XPO7: variants seen among roughly 807,000 people sequenced by gnomAD.
The protein encoded by XPO7 is exportin 7.
In XPO7, 21 loss-of-function variants were observed where a neutral mutation model predicts 144.3. The observed-to-expected ratio is 0.15, with a 90% confidence interval of 0.10 to 0.21. The LOEUF (loss-of-function observed/expected upper bound fraction) is 0.21, where lower values mean the gene tolerates loss of function less well. Among genes scored for constraint, XPO7 ranks in the 10% least tolerant of loss-of-function variants. XPO7 has a pLI of 1.00. For missense variants in XPO7, 808 were observed against 1,325.8 expected (o/e 0.61, Z 6.06); for synonymous variants, 580 against 499.6 (o/e 1.16, Z -2.15).
At chr8:21,920,288 G>A (rs758210844) in intron 1 of XPO7, among the ~76,000 whole-genome samples, 2 of 151,902 alleles carry the variant, frequency 1.3e-5, no homozygotes, top group Non-Finnish European at 2.9e-5. Context: ...CCCGGAATAC[G>A]AGAGACCCCC....
chr8:21,975,152 G>A (rs571234352), intron 6 of XPO7, among the ~76,000 whole-genome samples: 3 of 152,288 alleles, frequency 2.0e-5, no homozygotes, highest in African/African-American at 7.2e-5. Flanking sequence ...TATGGTGTTT[G>A]GATTCTTAGT....
intron 1 of XPO7, among the ~76,000 whole-genome samples, chr8:21,949,921 C>T (rs949993521): frequency 3.3e-5 from 5 of 152,186 alleles, no homozygotes; most frequent in African/African-American, 9.7e-5. Context: ...GACAGGGTTT[C>T]GCCATGTTGG....
chr8:21,925,789 C>G (rs1214879101), intron 1 of XPO7, among the ~76,000 whole-genome samples: 2 of 152,104 alleles, frequency 1.3e-5, no homozygotes, highest in African/African-American at 4.8e-5. Context: ...AATATAGCAC[C>G]GTGTTCTCAA....
chr8:21,996,821 T>C (rs1812965164), intron 21 of XPO7, among the ~76,000 whole-genome samples: 1 of 152,306 alleles, frequency 6.6e-6, no homozygotes, highest in East Asian at 1.9e-4. Flanking sequence ...TAGTTAGTTA[T>C]GTTTGATCCG....
In XPO7 at chr8:21,919,794, A is replaced by G; in HGVS notation, c.18+6A>G. On this transcript the variant is annotated splice_donor_region_variant and intron_variant, in intron 1 of 27. Coordinates refer to ENST00000252512, the MANE Select transcript of XPO7 (RefSeq NM_015024.5). ...AAATGGCGGATCATGTGCAGGTGAG[A>G]GGAGCCGCGGGGGGGAGGGGGCGAC... is the stretch of plus-strand genomic sequence containing the variant. 2 of 465,920 alleles carry G rather than the reference A, an allele frequency of 4.3e-6. No individual in the cohort carries two copies. Among genetic ancestry groups the G allele is most frequent in the Admixed American group, 5.1e-5 (1 of 19,518 alleles). 28.9% of individuals were successfully genotyped at this position (465,920 alleles called of 1,614,324 possible). A position where few individuals can be genotyped will look rare whatever the true frequency, so the allele number is the denominator to read the frequency against.
At chr8:21,990,049 C>T (rs190177393) in intron 16 of XPO7, among the ~76,000 whole-genome samples, 18 of 151,522 alleles carry the variant, frequency 1.2e-4, no homozygotes, top group Middle Eastern at 3.4e-3. Flanking sequence ...TAGGGTTTCA[C>T]CGTGTTAGCC....
intron 1 of XPO7, among the ~76,000 whole-genome samples, chr8:21,924,103 T>G (rs1467070255): frequency 6.6e-6 from 1 of 152,152 alleles, no homozygotes; most frequent in East Asian, 1.9e-4. Context: ...GAATTTTCTT[T>G]AGGTTTACAC....
intron 11 of XPO7, among the ~76,000 whole-genome samples, chr8:21,983,914 T>C (rs1045448685): frequency 1.3e-5 from 2 of 152,162 alleles, no homozygotes; most frequent in African/African-American, 4.8e-5. Flanking sequence ...GAGCTCCTCA[T>C]TGGACAAGAT....
chr8:21,923,499 TA>T (rs1159492625), intron 1 of XPO7, among the ~76,000 whole-genome samples: 1 of 152,240 alleles, frequency 6.6e-6, no homozygotes, highest in East Asian at 1.9e-4. Flanking sequence ...TGTCTGTATT[TA>T]AAACATATAT....
intron 1 of XPO7, among the ~76,000 whole-genome samples, chr8:21,932,104 C>T (rs1810671964): frequency 6.6e-6 from 1 of 152,156 alleles, no homozygotes; most frequent in Non-Finnish European, 1.5e-5. Flanking sequence ...GAACTCCTGA[C>T]CTCAGGTGAT....
At chr8:21,972,703 G>C (rs1812106268) in intron 5 of XPO7, among the ~76,000 whole-genome samples, 1 of 152,160 alleles carries the variant, frequency 6.6e-6, no homozygotes, top group African/African-American at 2.4e-5. Flanking sequence ...TGTGATTATA[G>C]AACAGGCCCT....
chr8:21,951,334 A>G (rs78567151), intron 1 of XPO7, among the ~76,000 whole-genome samples: 2,536 of 151,934 alleles, frequency 0.017, 79 homozygotes, highest in African/African-American at 0.059. Flanking sequence ...CACTTCTATT[A>G]TATACCCACA....
intron 15 of XPO7, 192 bp from the exon 16 acceptor site, chr8:21,988,811 A>G: frequency 1.7e-6 from 1 of 588,038 alleles, no homozygotes; most frequent in Non-Finnish European, 3.0e-6. Flanking sequence ...TATCTGAAGG[A>G]TAATTTTTCT....
chr8:21,937,603 ATTTC>A (rs1008777527), intron 1 of XPO7, among the ~76,000 whole-genome samples: 1 of 152,092 alleles, frequency 6.6e-6, no homozygotes, highest in Non-Finnish European at 1.5e-5. Flanking sequence ...CAGGGAAGGT[ATTTC>A]TTTTTGGAGT....
At chr8:21,992,080 A>G in intron 19 of XPO7, 106 bp downstream of exon 19, 1 of 776,408 alleles carries the variant, frequency 1.3e-6, no homozygotes, top group East Asian at 2.9e-5. Context: ...GCTTTTTTTA[A>G]TGTCTTGGAC....
At position 21,999,471 on chromosome 8, in the gene XPO7, T is replaced by C. The variant is rs1470220992; in HGVS notation, c.2644-65T>C. On this transcript the variant is annotated intron_variant, in intron 23 of 27. Coordinates refer to ENST00000252512, the MANE Select transcript of XPO7 (RefSeq NM_015024.5). ...CTAAAAGGAGCTAAGCTATTTAAGA[T>C]CGTCTCCCTGCATGCTGGAGTGCAT... 2.2e-5 allele frequency: 36 copies of C among 1,600,910 alleles called. No individual in the cohort carries two copies. In the East Asian group the frequency reaches 7.8e-4, roughly 35 times the overall value.
At chr8:21,999,374 G>A in intron 23 of XPO7, 69 bp downstream of exon 23, 1 of 1,593,958 alleles carries the variant, frequency 6.3e-7, no homozygotes, top group South Asian at 1.1e-5. Flanking sequence ...CTGAGACCAA[G>A]ATTGAACACT....
At chr8:21,959,449 C>T (rs1457866904) in intron 1 of XPO7, among the ~76,000 whole-genome samples, 1 of 152,138 alleles carries the variant, frequency 6.6e-6, no homozygotes, top group African/African-American at 2.4e-5. Flanking sequence ...AAGTCATGCT[C>T]CTACAGTAGA....
chr8:21,969,377 A>G, intron 2 of XPO7, 106 bp from the exon 3 acceptor site: 1 of 971,244 alleles, frequency 1.0e-6, no homozygotes, highest in Non-Finnish European at 1.5e-6. Flanking sequence ...AAATCTGCCA[A>G]AACTGATTGC....
Sources: allele counts gnomAD v4.1 joint callset (sites outside exome capture counted in the v4.1 genomes callset), GRCh38; gene constraint gnomAD v4.1.1; transcripts MANE v1.5; gene names NCBI Gene and HGNC (gene_info 2026-07-23, HGNC 2026-07-21).